PACRGL: variants seen among roughly 807,000 people sequenced by gnomAD.
PACRGL encodes parkin coregulated like, also known as PACRG-like protein.
A neutral mutation model predicts 34.5 loss-of-function variants in PACRGL; 38 were observed. The observed-to-expected ratio is 1.10, with a 90% CI of 0.85 to 1.44. The LOEUF (loss-of-function observed/expected upper bound fraction) is 1.44. Ranked by LOEUF, PACRGL falls within the 40% of genes most tolerant of loss-of-function variation. The pLI is 0.00. For synonymous variants in PACRGL, 128 were observed against 100.1 expected (o/e 1.28, Z -1.66); for missense variants, 305 against 281.4 (o/e 1.08, Z -0.60).
chr4:20,724,970 A>G, intron 8 of PACRGL, 82 bp downstream of exon 8: 1 of 721,046 alleles, frequency 1.4e-6, no homozygotes, highest in Admixed American at 4.0e-5. Context: ...TATTTAACAT[A>G]TACTATCTCA....
chr4:20,716,392 A>C (rs979639995), intron 7 of PACRGL: 36 of 573,848 alleles, frequency 6.3e-5, no homozygotes, highest in Non-Finnish European at 1.1e-4. Context: ...GTACATGTGC[A>C]CAACGTGCAG....
At chr4:20,754,641 C>T (rs1194919804), downstream of PACRGL, among the ~76,000 whole-genome samples, 1 of 152,188 alleles carries the variant, frequency 6.6e-6, no homozygotes, top group Non-Finnish European at 1.5e-5. Context: ...CAGATTTCTG[C>T]ATTCAATTAA....
chr4:20,714,607 C>A (rs1051504622), intron 7 of PACRGL, among the ~76,000 whole-genome samples: 3 of 152,144 alleles, frequency 2.0e-5, no homozygotes, highest in African/African-American at 4.8e-5. Context: ...GTGGTCTTTA[C>A]AATTTGGCAT....
Position 20,704,727 on chromosome 4 carries a change from A to C in PACRGL, c.120A>C (p.Lys40Asn), listed in dbSNP as rs1469299562. The change falls in exon 3 of 9, where the codon AAA becomes AAC. Residue 40 changes from lysine (K) to asparagine (N), a missense_variant. Coordinates refer to ENST00000503585, the MANE Select transcript of PACRGL (RefSeq NM_001258345.3). ...ACAGGAATGCAGTTCAGGGAAGCAA[A>C]TCCTCATTGTCAACCAGTTCTCCAG... ...LKHRNAVQGSKSSLSTSSPES... is the reference protein window; with the variant it reads ...LKHRNAVQGSNSSLSTSSPES... 6.2e-7 allele frequency: 1 copy of C among 1,614,090 alleles called. No homozygotes were observed. Among genetic ancestry groups the C allele is most frequent in the South Asian group, 1.1e-5 (1 of 91,088 alleles).
At chr4:20,702,234 G>T in intron 1 of PACRGL, 1 of 456,252 alleles carries the variant, frequency 2.2e-6, no homozygotes, top group Non-Finnish European at 4.4e-6. Context: ...AGGTAGTATT[G>T]AAAAATGTGC....
At position 20,709,781 on chromosome 4, in the gene PACRGL, T is replaced by C. The variant is rs1736250453; in HGVS notation, c.366+8T>C. ...CTTATTACTTTAGCTGAGGTAAATA[T>C]GCCATCTCTTGAATATTTATCAGAA... is the stretch of plus-strand genomic sequence containing the variant. On this transcript the variant is annotated splice_region_variant and intron_variant, in intron 5 of 8. Coordinates refer to ENST00000503585, the MANE Select transcript of PACRGL (RefSeq NM_001258345.3). The C allele has an allele frequency of 1.3e-6, 2 of 1,556,618 alleles. No homozygotes were observed. The highest frequency in any genetic ancestry group is 1.8e-6 in the Non-Finnish European group (2 of 1,129,508).
rs561809200 is a variant in PACRGL, at chr4:20,728,895, G to A, written c.*1554G>A. The A allele has an allele frequency of 6.6e-6, 1 of 151,036 alleles. No homozygotes were observed. The highest frequency in any genetic ancestry group is 1.9e-4 in the East Asian group (1 of 5,160). 9.4% of individuals were successfully genotyped at this position (151,036 alleles called of 1,614,324 possible). On this transcript the variant is annotated 3_prime_UTR_variant, in exon 9 of 9. Transcript: ENST00000503585. ...CGATGTGTGTGGCTTTAGTAATGTG[G>A]CAACTTTACAGTTTTGGCTAAGATG...
chr4:20,739,313 AACT>A (rs1750484568), intron 8 of PACRGL, among the ~76,000 whole-genome samples: 2 of 152,340 alleles, frequency 1.3e-5, no homozygotes, highest in Admixed American at 1.3e-4. Context: ...CGAGTAGCAT[AACT>A]GGGAAACACC....
the PACRGL span, among the ~76,000 whole-genome samples, chr4:20,764,676 A>C: frequency 4.5e-5 from 5 of 110,904 alleles, no homozygotes; most frequent in Non-Finnish European, 9.1e-5. Context: ...ATCACATGGG[A>C]ATTGGACACA....
the PACRGL span, among the ~76,000 whole-genome samples, chr4:20,765,349 C>T: frequency 6.6e-6 from 1 of 152,100 alleles, no homozygotes; most frequent in Non-Finnish European, 1.5e-5. Flanking sequence ...AAGATGTACA[C>T]GGTGTATTTG....
At chr4:20,758,256 A>G in the PACRGL span, among the ~76,000 whole-genome samples, 2 of 152,184 alleles carry the variant, frequency 1.3e-5, no homozygotes, top group Non-Finnish European at 2.9e-5. Context: ...TTAAAATAAT[A>G]TCTAGGATGG....
Position 20,704,814 on chromosome 4 carries a change from G to T in PACRGL, c.207G>T (p.Pro69=), listed in dbSNP as rs765788911. 3 of 1,613,722 alleles carry T rather than the reference G, an allele frequency of 1.9e-6. No individual in the cohort carries two copies. The highest frequency in any genetic ancestry group is 2.5e-6 in the Non-Finnish European group (3 of 1,179,726). Residue 69 remains proline (P), a splice_region_variant and synonymous_variant, in exon 3 of 9, where the codon CCG becomes CCT. Transcript: ENST00000503585. ...AACTGAACCCTAAAACAATTAATCC[G>T]GTAGGTCCAAAACTATTCCTAACTC... ...SDKLNPKTIN[P]FGEQSRVPSA...
Position 20,743,990 on chromosome 4 carries a change from C to T in PACRGL, c.*57-8575C>T, listed in dbSNP as rs185408089. On this transcript the variant is annotated intron_variant, in intron 8 of 8. Transcript: ENST00000507634. ...CTCTTCTCAAAAGAAGACATTTATG[C>T]AGCCACCAGACACATGAAAAAATGC... is the stretch of plus-strand genomic sequence containing the variant. Among the ~76,000 whole-genome samples, 283 of 151,972 alleles carry T rather than the reference C, an allele frequency of 1.9e-3. 1 individual carries two copies. Among genetic ancestry groups the T allele is most frequent in the Non-Finnish European group, 3.6e-3 (248 of 67,970 alleles).
chr4:20,758,396 G>T, the PACRGL span, among the ~76,000 whole-genome samples: 1 of 152,064 alleles, frequency 6.6e-6, no homozygotes, highest in African/African-American at 2.4e-5. Context: ...TCAATATGTG[G>T]CCCTGAGCAA....
In PACRGL at chr4:20,728,614, T is replaced by TAAAC. The variant is rs778357255; in HGVS notation, c.*1275_*1278dup. The TAAAC allele has an allele frequency of 7.9e-5, 12 of 152,754 alleles. No individual in the cohort carries two copies. The highest frequency in any genetic ancestry group is 1.7e-4 in the African/African-American group (7 of 41,578). 9.5% of individuals were successfully genotyped at this position (152,754 alleles called of 1,614,324 possible). On this transcript the variant is annotated 3_prime_UTR_variant, in exon 9 of 9. Coordinates refer to ENST00000503585, the MANE Select transcript of PACRGL (RefSeq NM_001258345.3). ...ACCTGTAACATAGACAGTAGAGTTATAAACATTTTATTTTGCTTTTATTTT... is the reference window on the plus strand; with the variant it reads ...ACCTGTAACATAGACAGTAGAGTTATAAACAAACATTTTATTTTGCTTTTATTTT...
chr4:20,698,976 C>T (rs114121711), upstream of PACRGL, among the ~76,000 whole-genome samples: 347 of 152,276 alleles, frequency 2.3e-3, 4 homozygotes, highest in African/African-American at 8.1e-3. Context: ...CACAAGGACT[C>T]ATAGCTGATA....
chr4:20,743,656 C>T (rs1354222930), intron 8 of PACRGL, among the ~76,000 whole-genome samples: 3 of 152,058 alleles, frequency 2.0e-5, no homozygotes, highest in Non-Finnish European at 2.9e-5. Context: ...AGACCTAAAA[C>T]CATAAAAACC....
At position 20,727,271 on chromosome 4, in the gene PACRGL, T is replaced by G. The variant is rs1229926497; in HGVS notation, c.691-14T>G. 3.7e-6 allele frequency: 6 copies of G among 1,602,080 alleles called. No homozygotes were observed. Among genetic ancestry groups the G allele is most frequent in the Non-Finnish European group, 5.1e-6 (6 of 1,169,376 alleles). On this transcript the variant is annotated splice_polypyrimidine_tract_variant and intron_variant, in intron 8 of 8. Transcript: ENST00000503585. The stretch of plus-strand genomic sequence containing the variant: ...GCATGATACTAATGATGCTCAATTT[T>G]TTTCTGTTGACAGGGGAGCCTTAGC...
At chr4:20,733,604 A>G (rs908343234), downstream of PACRGL, among the ~76,000 whole-genome samples, 4 of 152,214 alleles carry the variant, frequency 2.6e-5, no homozygotes, top group African/African-American at 9.6e-5. Flanking sequence ...AGTTTGTTAG[A>G]CACAGGCAGA....
Sources: allele counts gnomAD v4.1 joint callset (sites outside exome capture counted in the v4.1 genomes callset), GRCh38; gene constraint gnomAD v4.1.1; transcripts MANE v1.5; gene names NCBI Gene and HGNC (gene_info 2026-07-23, HGNC 2026-07-21).